CACNA1C: variants seen among roughly 807,000 people sequenced by gnomAD.
The protein encoded by CACNA1C is calcium voltage-gated channel subunit alpha1 C, also known as voltage-dependent L-type calcium channel subunit alpha-1C.
A neutral mutation model predicts 229.0 loss-of-function variants in CACNA1C; 30 were observed. The observed-to-expected ratio is 0.13, with a 90% CI of 0.10 to 0.18. The LOEUF (loss-of-function observed/expected upper bound fraction) is 0.18. Among genes scored for constraint, CACNA1C ranks in the 10% least tolerant of loss-of-function variants. The pLI is 1.00. For synonymous variants in CACNA1C, 1,114 were observed against 1,132.5 expected (o/e 0.98, Z 0.33); for missense variants, 1,658 against 2,845.0 (o/e 0.58, Z 9.49).
intron 1 of CACNA1C, among the ~76,000 whole-genome samples, chr12:2,012,081 A>C (rs1190988983): frequency 6.6e-6 from 1 of 152,210 alleles, no homozygotes; most frequent in Non-Finnish European, 1.5e-5. Flanking sequence ...AAACTGATGT[A>C]TGAAGCCCCA....
intron 5 of CACNA1C, among the ~76,000 whole-genome samples, chr12:2,480,039 C>T (rs1340941303): frequency 6.6e-6 from 1 of 152,160 alleles, no homozygotes; most frequent in East Asian, 1.9e-4. Context: ...CCAGCGAGGA[C>T]GTTATCAGGA....
rs573099709 is a variant in CACNA1C at position 2,507,579 on chromosome 12, A to C, written c.1217+2634A>C. Among the ~76,000 whole-genome samples, 197 of 152,370 alleles carry C rather than the reference A, an allele frequency of 1.3e-3. 2 individuals carry two copies. The highest frequency in any genetic ancestry group is 6.8e-3 in the Middle Eastern group (2 of 294). On this transcript the variant is annotated intron_variant, in intron 8 of 46. Coordinates refer to ENST00000399655, the MANE Select transcript of CACNA1C (RefSeq NM_000719.7). Reference sequence around the variant, plus strand: ...TAAGCTACACTTCCAGAAGCATTCAAAAAGGTCTCACTGCTCCATGAAATT... The same window carrying C: ...TAAGCTACACTTCCAGAAGCATTCACAAAGGTCTCACTGCTCCATGAAATT...
At chr12:2,101,577 G>C (rs1162469692) in intron 1 of CACNA1C, among the ~76,000 whole-genome samples, 1 of 152,228 alleles carries the variant, frequency 6.6e-6, no homozygotes, top group Non-Finnish European at 1.5e-5. Flanking sequence ...AGTAGGGGCA[G>C]CCTCTGCTGC....
intron 3 of CACNA1C, among the ~76,000 whole-genome samples, chr12:2,125,299 G>A (rs1338671616): frequency 6.6e-6 from 1 of 151,990 alleles, no homozygotes; most frequent in African/African-American, 2.4e-5. Context: ...CTGAGCTTAG[G>A]GCCAAAAGTA....
chr12:2,641,867 C>T (rs1193368228), intron 30 of CACNA1C: 2 of 681,164 alleles, frequency 2.9e-6, no homozygotes, highest in African/African-American at 1.8e-5. Context: ...TATGGCTGGC[C>T]CTTGAGAGAG....
intron 3 of CACNA1C, among the ~76,000 whole-genome samples, chr12:2,218,181 TGCCTCTCCGTA>T (rs1322844459): frequency 6.6e-6 from 1 of 152,180 alleles, no homozygotes. Context: ...TAGCATCCTT[TGCCTCTCCGTA>T]GCCTCTCACT....
chr12:2,175,164 G>A (rs893126834), intron 3 of CACNA1C, among the ~76,000 whole-genome samples: 12 of 152,128 alleles, frequency 7.9e-5, no homozygotes, highest in South Asian at 2.1e-4. Flanking sequence ...ACAGTAAAAC[G>A]CAAGAGATCC....
At chr12:2,207,928 C>T (rs909604386) in intron 3 of CACNA1C, among the ~76,000 whole-genome samples, 3 of 152,112 alleles carry the variant, frequency 2.0e-5, no homozygotes, top group Admixed American at 6.5e-5. Context: ...ACAAATGGTC[C>T]CTATCTTCAA....
intron 9 of CACNA1C, among the ~76,000 whole-genome samples, chr12:2,543,383 G>A (rs1237239477): frequency 6.6e-6 from 1 of 152,186 alleles, no homozygotes; most frequent in Non-Finnish European, 1.5e-5. Context: ...GGCCAAGGGA[G>A]GGGTCAGGCT....
At chr12:2,476,097 G>A (rs1300671429) in intron 5 of CACNA1C, among the ~76,000 whole-genome samples, 1 of 152,220 alleles carries the variant, frequency 6.6e-6, no homozygotes, top group East Asian at 1.9e-4. Flanking sequence ...TCTGCCTGGA[G>A]CACAAAACTA....
chr12:2,584,617 G>A lies in CACNA1C; in HGVS notation c.2339G>A (p.Arg780Lys). The change falls in exon 16 of 47, where the codon AGG (arginine) becomes AAG (lysine). Residue 780 changes from arginine to lysine, a missense_variant and splice_region_variant. This residue lies in a region of CACNA1C where 121 missense variants were observed against 128.8 expected (regional missense o/e 0.94). Coordinates refer to ENST00000399655, the MANE Select transcript of CACNA1C (RefSeq NM_000719.7). The stretch of plus-strand genomic sequence containing the variant: ...GAGAAGGAGAGAAAGAAGCTGGCCA[G>A]GTAACCCTCTAAGCTTGCCCAGGCC... Reference protein sequence around the residue: ...EEEKERKKLARTASPEKKQEL... With the variant: ...EEEKERKKLAKTASPEKKQEL... 6.2e-7 allele frequency: 1 copy of A among 1,605,982 alleles called. No homozygotes were observed. The highest frequency in any genetic ancestry group is 8.5e-7 in the Non-Finnish European group (1 of 1,173,454).
chr12:2,265,400 G>A (rs899802842), intron 3 of CACNA1C, among the ~76,000 whole-genome samples: 12 of 152,204 alleles, frequency 7.9e-5, no homozygotes, highest in African/African-American at 2.9e-4. Flanking sequence ...TCATCCCAAG[G>A]CTAAAGGGGC....
At chr12:2,652,119 G>T (rs979075681) in intron 32 of CACNA1C, among the ~76,000 whole-genome samples, 1 of 152,200 alleles carries the variant, frequency 6.6e-6, no homozygotes. Flanking sequence ...AAAAACACGG[G>T]CCTGGACAAC....
At chr12:2,389,781 C>T (rs4765677) in intron 3 of CACNA1C, among the ~76,000 whole-genome samples, 3,603 of 152,272 alleles carry the variant, frequency 0.024, 67 homozygotes, top group East Asian at 0.06. Flanking sequence ...GTGTGTGCTC[C>T]TGCTGTGGTG....
At chr12:2,042,934 A>C (rs2050379839) in intron 1 of CACNA1C, among the ~76,000 whole-genome samples, 1 of 152,196 alleles carries the variant, frequency 6.6e-6, no homozygotes, top group South Asian at 2.1e-4. Flanking sequence ...ATTCAATATA[A>C]ATACAAGCAT....
chr12:2,446,293 G>A (rs1645123421), intron 3 of CACNA1C, among the ~76,000 whole-genome samples: 1 of 150,740 alleles, frequency 6.6e-6, no homozygotes, highest in Non-Finnish European at 1.5e-5. Context: ...ATGGATGGAT[G>A]GGTGAGTGGG....
chr12:2,019,528 G>A (rs1446260655), intron 1 of CACNA1C, among the ~76,000 whole-genome samples: 1 of 145,292 alleles, frequency 6.9e-6, no homozygotes, highest in Non-Finnish European at 1.5e-5. Flanking sequence ...AGGAAGGAAG[G>A]AAAAGAAAGG....
At chr12:2,195,915 A>G (rs2097387773) in intron 3 of CACNA1C, among the ~76,000 whole-genome samples, 1 of 152,112 alleles carries the variant, frequency 6.6e-6, no homozygotes, top group Non-Finnish European at 1.5e-5. Flanking sequence ...TGGGAGAAAA[A>G]GACTCCTGAG....
In CACNA1C at chr12:2,697,564, CTG is replaced by C. The variant is rs2097850925; in HGVS notation, c.*6367_*6368del. ...ACCCACCTTCATCCCCCAAACCAAT[CTG>C]TATCATGCCTGTTATCAGAGAGGCA... is the stretch of plus-strand genomic sequence containing the variant. On this transcript the variant is annotated 3_prime_UTR_variant, in exon 47 of 47. Transcript: ENST00000399655. The C allele has an allele frequency of 1.3e-5, 2 of 152,128 alleles. No individual in the cohort carries two copies. The allele number at this position is 152,128 out of a possible 1,614,324, so 9.4% of individuals were successfully genotyped here.
Sources: allele counts gnomAD v4.1 joint callset (sites outside exome capture counted in the v4.1 genomes callset), GRCh38; gene constraint gnomAD v4.1.1; regional missense constraint gnomAD v4.1.1; transcripts MANE v1.5; gene names NCBI Gene and HGNC (gene_info 2026-07-23, HGNC 2026-07-21).